Variants in SLC44A1 observed in about 807,000 individuals in gnomAD.
The protein encoded by SLC44A1 is choline transporter-like protein 1.
A neutral mutation model predicts 79.3 loss-of-function variants in SLC44A1; 26 were observed. That is an observed-to-expected ratio of 0.33 (90% confidence interval 0.24 to 0.46). The LOEUF is 0.46. SLC44A1 is among the 20% of genes least tolerant of loss of function. SLC44A1 has a pLI of 1.00. For synonymous variants in SLC44A1, 263 were observed against 286.2 expected (o/e 0.92, Z 0.82); for missense variants, 688 against 798.1 (o/e 0.86, Z 1.66).
At chr9:105,278,042 A>G (rs1830251405) in intron 1 of SLC44A1, among the ~76,000 whole-genome samples, 1 of 151,740 alleles carries the variant, frequency 6.6e-6, no homozygotes, top group Admixed American at 6.6e-5. Flanking sequence ...GTTTCAATAC[A>G]GGGAGGAATG....
In SLC44A1 at chr9:105,391,606, C is replaced by A; in HGVS notation, c.*2550C>A. ...CCTTGATTAATTTGATAAAGCCTCACAGAGGATTTTAAGCAATATTTAAAT... is the reference window on the plus strand; with the variant it reads ...CCTTGATTAATTTGATAAAGCCTCAAAGAGGATTTTAAGCAATATTTAAAT... On this transcript the variant is annotated 3_prime_UTR_variant, in exon 16 of 16. Transcript: ENST00000374720. The A allele has an allele frequency of 4.1e-6, 4 of 984,764 alleles. No homozygotes were observed. Among genetic ancestry groups the A allele is most frequent in the Non-Finnish European group, 4.8e-6 (4 of 829,410 alleles). 61.0% of individuals were successfully genotyped at this position (984,764 alleles called of 1,614,324 possible).
At chr9:105,287,224 C>G (rs1264581859) in intron 1 of SLC44A1, among the ~76,000 whole-genome samples, 1 of 148,382 alleles carries the variant, frequency 6.7e-6, no homozygotes, top group African/African-American at 2.6e-5. Context: ...GTATGTTTAT[C>G]AAAACATCAT....
intron 15 of SLC44A1, among the ~76,000 whole-genome samples, chr9:105,436,071 G>T (rs889269612): frequency 6.6e-6 from 1 of 152,134 alleles, no homozygotes; most frequent in East Asian, 1.9e-4. Context: ...GGTGGTGTGC[G>T]CCTGTAATCC....
chr9:105,302,254 A>G lies in SLC44A1; in HGVS notation c.126+2945A>G, dbSNP rs564542210. 4.5e-4 allele frequency among the ~76,000 whole-genome samples: 68 copies of G among 152,318 alleles called. 1 individual carries two copies. Among genetic ancestry groups the G allele is most frequent in the African/African-American group, 1.6e-3 (68 of 41,560 alleles). On this transcript the variant is annotated intron_variant, in intron 2 of 15. Coordinates refer to ENST00000374720, the MANE Select transcript of SLC44A1 (RefSeq NM_080546.5). Reference sequence around the variant, plus strand: ...ATTACTTGTAACATTGCACATTTGTATAAATATACAAATATAAATTTGTAT... The same window carrying G: ...ATTACTTGTAACATTGCACATTTGTGTAAATATACAAATATAAATTTGTAT...
intron 13 of SLC44A1, among the ~76,000 whole-genome samples, chr9:105,379,845 T>C (rs1485388834): frequency 6.6e-6 from 1 of 152,214 alleles, no homozygotes; most frequent in African/African-American, 2.4e-5. Flanking sequence ...CTGTGTGAAA[T>C]TACTTTACTT....
chr9:105,373,044 A>G (rs924423959), intron 12 of SLC44A1, among the ~76,000 whole-genome samples: 1 of 152,160 alleles, frequency 6.6e-6, no homozygotes, highest in Non-Finnish European at 1.5e-5. Context: ...AGTGAATTTA[A>G]TCATATAATG....
rs1437531537 is a variant in SLC44A1 at position 105,394,566 on chromosome 9, C to G, written c.*5510C>G. On this transcript the variant is annotated 3_prime_UTR_variant, in exon 16 of 16. Coordinates refer to ENST00000374720, the MANE Select transcript of SLC44A1 (RefSeq NM_080546.5). ...TAGGGAATCCTTGTAATTAATCCAT[C>G]TACCAAAACACTTGATTCTTTTTAT... 1 of 984,862 alleles carries G rather than the reference C, an allele frequency of 1.0e-6. No homozygotes were observed. Among genetic ancestry groups the G allele is most frequent in the East Asian group, 1.1e-4 (1 of 8,808 alleles). 61.0% of individuals were successfully genotyped at this position (984,862 alleles called of 1,614,324 possible).
chr9:105,286,749 G>A (rs1468556397), intron 1 of SLC44A1, among the ~76,000 whole-genome samples: 1 of 152,116 alleles, frequency 6.6e-6, no homozygotes, highest in African/African-American at 2.4e-5. Context: ...GATCACTTAA[G>A]GCCAGGAGTT....
chr9:105,370,968 A>G (rs1828080291), intron 12 of SLC44A1, among the ~76,000 whole-genome samples: 1 of 152,244 alleles, frequency 6.6e-6, no homozygotes, highest in African/African-American at 2.4e-5. Context: ...TTTCTCCCAA[A>G]AACTTGTTAT....
chr9:105,389,411 G>A lies in SLC44A1; in HGVS notation c.*355G>A, dbSNP rs756153781. 1 of 1,039,350 alleles carries A rather than the reference G, an allele frequency of 9.6e-7. No homozygotes were observed. Among genetic ancestry groups the A allele is most frequent in the Admixed American group, 5.2e-5 (1 of 19,116 alleles). The allele number at this position is 1,039,350 out of a possible 1,614,324, so 64.4% of individuals were successfully genotyped here. On this transcript the variant is annotated 3_prime_UTR_variant, in exon 16 of 16. Coordinates refer to ENST00000374720, the MANE Select transcript of SLC44A1 (RefSeq NM_080546.5). ...AGATTTTAACTTTATTTAAAAATAGGTAAAATTATTGTACCTAATTATGTC... is the reference window on the plus strand; with the variant it reads ...AGATTTTAACTTTATTTAAAAATAGATAAAATTATTGTACCTAATTATGTC...
At chr9:105,332,817 T>C (rs373934364) in intron 3 of SLC44A1, among the ~76,000 whole-genome samples, 4 of 152,190 alleles carry the variant, frequency 2.6e-5, no homozygotes, top group Admixed American at 2.0e-4. Context: ...AAATGTAAGA[T>C]GTATGGAAAG....
chr9:105,311,148 A>G (rs1182045246), intron 3 of SLC44A1, among the ~76,000 whole-genome samples: 1 of 152,124 alleles, frequency 6.6e-6, no homozygotes, highest in Non-Finnish European at 1.5e-5. Context: ...ACTAATGCAA[A>G]TTTTAGACTG....
intron 3 of SLC44A1, 37 bp downstream of exon 3, chr9:105,309,903 T>C (rs1831133271): frequency 1.3e-6 from 2 of 1,592,914 alleles, no homozygotes; most frequent in South Asian, 2.3e-5. Context: ...ACATGGAAAC[T>C]TTGAAAGAGG....
intron 1 of SLC44A1, among the ~76,000 whole-genome samples, chr9:105,285,845 TGTATAC>T (rs1328402903): frequency 1.2e-4 from 19 of 152,354 alleles, no homozygotes; most frequent in Admixed American, 1.2e-3. Flanking sequence ...GTGATCTGGA[TGTATAC>T]GTGCAGGTCA....
At chr9:105,410,896 C>A (rs1235567208) in intron 15 of SLC44A1, among the ~76,000 whole-genome samples, 1 of 151,972 alleles carries the variant, frequency 6.6e-6, no homozygotes, top group African/African-American at 2.4e-5. Context: ...CATGGATGAA[C>A]CTTGAAAACA....
Position 105,285,393 on chromosome 9 carries a change from A to C in SLC44A1, c.37-13827A>C, listed in dbSNP as rs571207882. ...TGAAATCAAAAGACAAAATATGTTAATAACATGCTATTCTTGGTTATGACC... is the reference window on the plus strand; with the variant it reads ...TGAAATCAAAAGACAAAATATGTTACTAACATGCTATTCTTGGTTATGACC... On this transcript the variant is annotated intron_variant, in intron 1 of 15. Coordinates refer to ENST00000374720, the MANE Select transcript of SLC44A1 (RefSeq NM_080546.5). Among the ~76,000 whole-genome samples, 45 of 152,366 alleles carry C rather than the reference A, an allele frequency of 3.0e-4. 1 individual carries two copies. The South Asian group carries it at 9.3e-3, about 32-fold the overall frequency.
intron 1 of SLC44A1, among the ~76,000 whole-genome samples, chr9:105,295,026 T>G (rs1830689880): frequency 6.6e-6 from 1 of 152,014 alleles, no homozygotes; most frequent in Non-Finnish European, 1.5e-5. Context: ...TTACCATGTT[T>G]GTTTGTTTGT....
At chr9:105,344,673 A>G (rs1428338053) in intron 4 of SLC44A1, among the ~76,000 whole-genome samples, 2 of 152,240 alleles carry the variant, frequency 1.3e-5, no homozygotes, top group Non-Finnish European at 2.9e-5. Context: ...GTTTTATTCA[A>G]CAGAAGGCTT....
chr9:105,250,611 A>G (rs1829561250), intron 1 of SLC44A1, among the ~76,000 whole-genome samples: 1 of 152,232 alleles, frequency 6.6e-6, no homozygotes, highest in Admixed American at 6.5e-5. Context: ...TAGAATGTAG[A>G]GATATGAAGT....
Sources: allele counts gnomAD v4.1 joint callset (sites outside exome capture counted in the v4.1 genomes callset), GRCh38; gene constraint gnomAD v4.1.1; transcripts MANE v1.5; gene names NCBI Gene and HGNC (gene_info 2026-07-23, HGNC 2026-07-21).